BMPR1A: variants seen among roughly 807,000 people sequenced by gnomAD.
BMPR1A encodes bone morphogenetic protein receptor type 1A, also known as bone morphogenetic protein receptor type-1A.
BMPR1A carries 7 observed loss-of-function variants against 66.0 expected under a neutral mutation model. The observed-to-expected ratio is 0.11, with a 90% CI of 0.06 to 0.20. The LOEUF is 0.20. Ranked by LOEUF, BMPR1A falls within the 10% of genes least tolerant of loss-of-function variation. The pLI is 1.00. For missense variants in BMPR1A, 408 were observed against 669.1 expected, an observed-to-expected ratio of 0.61 and a Z score of 4.31; for synonymous variants, 200 against 229.7, an observed-to-expected ratio of 0.87 and a Z score of 1.17.
chr10:86,888,148 CTTT>C (rs34024160), intron 3 of BMPR1A, among the ~76,000 whole-genome samples: 9 of 138,300 alleles, frequency 6.5e-5, no homozygotes, highest in African/African-American at 1.6e-4. Context: ...AAACTTCCAG[CTTT>C]TTTTTTTTTT....
intron 1 of BMPR1A, among the ~76,000 whole-genome samples, chr10:86,835,602 A>G (rs911885323): frequency 1.5e-5 from 2 of 136,942 alleles, no homozygotes; most frequent in African/African-American, 2.7e-5. Flanking sequence ...GTTTTGGCCT[A>G]GATTGAGTAA....
At chr10:86,866,501 T>C (rs1380263904) in intron 2 of BMPR1A, among the ~76,000 whole-genome samples, 1 of 146,204 alleles carries the variant, frequency 6.8e-6, no homozygotes, top group African/African-American at 2.5e-5. Flanking sequence ...TTCTACCTCC[T>C]GGGTTCAAGT....
intron 5 of BMPR1A, among the ~76,000 whole-genome samples, chr10:86,894,102 A>G (rs1262271027): frequency 6.6e-6 from 1 of 152,240 alleles, no homozygotes; most frequent in Non-Finnish European, 1.5e-5. Flanking sequence ...TGCAGAATTG[A>G]GTGTGATATG....
rs1388668072 is a variant in BMPR1A, at chr10:86,756,620, A to AG, written c.-566dup. ...CGCGCCGCCCCCTCCCCTCCTGGCAAGAGTCGGCGGCGGTGGCGGCGGCCG... is the reference window on the plus strand; with the variant it reads ...CGCGCCGCCCCCTCCCCTCCTGGCAAGGAGTCGGCGGCGGTGGCGGCGGCCG... On this transcript the variant is annotated 5_prime_UTR_variant, in exon 1 of 13. Transcript: ENST00000372037. The AG allele has an allele frequency of 6.6e-6, 1 of 150,912 alleles. No homozygotes were observed. Among genetic ancestry groups the AG allele is most frequent in the African/African-American group, 2.4e-5 (1 of 41,148 alleles). 9.3% of individuals were successfully genotyped at this position (150,912 alleles called of 1,614,324 possible). A position where few individuals can be genotyped will look rare whatever the true frequency, so the allele number is the denominator to read the frequency against.
Position 86,790,184 on chromosome 10 carries a change from AAAAAATATATATATATAT to A in BMPR1A, c.-268+33267_-268+33284del, listed in dbSNP as rs1277653371. ...CTCCAAAAAAAAAAAAAAAAAAAAA[AAAAAATATATATATATAT>A]ATATATATATATATATATATATATA... is the stretch of plus-strand genomic sequence containing the variant. On this transcript the variant is annotated intron_variant, in intron 1 of 12. Transcript: ENST00000372037. Among the ~76,000 whole-genome samples the A allele has an allele frequency of 3.4e-4, 13 of 38,018 alleles. 3 individuals carry two copies. The South Asian group carries it at 3.5e-3, about 10-fold the overall frequency. The allele number at this position is 38,018 out of a possible 152,430, so 24.9% of individuals were successfully genotyped here. A position where few individuals can be genotyped will look rare whatever the true frequency, so the allele number is the denominator to read the frequency against.
chr10:86,913,055 G>C (rs1180874810), intron 8 of BMPR1A, among the ~76,000 whole-genome samples: 1 of 152,008 alleles, frequency 6.6e-6, no homozygotes, highest in Non-Finnish European at 1.5e-5. Context: ...TAGATATCCA[G>C]ATAGGTTTAA....
chr10:86,781,817 TCC>T (rs1204304298), intron 1 of BMPR1A, among the ~76,000 whole-genome samples: 1 of 150,336 alleles, frequency 6.7e-6, no homozygotes, highest in Non-Finnish European at 1.5e-5. Flanking sequence ...TAGCATAAAG[TCC>T]CCATGGTTCA....
intron 1 of BMPR1A, among the ~76,000 whole-genome samples, chr10:86,796,441 G>A (rs1255617680): frequency 6.6e-6 from 1 of 151,890 alleles, no homozygotes; most frequent in Non-Finnish European, 1.5e-5. Context: ...CCCTTCTGAA[G>A]AAAGTCACTA....
At position 86,790,225 on chromosome 10, in the gene BMPR1A, A is replaced by G. The variant is rs1564685655; in HGVS notation, c.-268+33306A>G. On this transcript the variant is annotated intron_variant, in intron 1 of 12. Transcript: ENST00000372037. ...TATATATATATATATATATATATAT[A>G]TATATATATATCAAAACCACAATGA... 9.9e-5 allele frequency among the ~76,000 whole-genome samples: 9 copies of G among 91,204 alleles called. 1 individual carries two copies. The highest frequency in any genetic ancestry group is 2.7e-4 in the Admixed American group (2 of 7,534). 59.8% of individuals were successfully genotyped at this position (91,204 alleles called of 152,430 possible). A position where few individuals can be genotyped will look rare whatever the true frequency, so the allele number is the denominator to read the frequency against.
intron 1 of BMPR1A, among the ~76,000 whole-genome samples, chr10:86,811,516 A>G (rs768684682): frequency 4.6e-5 from 7 of 151,946 alleles, no homozygotes; most frequent in East Asian, 1.9e-4. Flanking sequence ...AGAGTTTCCT[A>G]TGGTCTGGAT....
At chr10:86,846,268 ATGCTGTTGGGCC>A (rs1410707188) in intron 2 of BMPR1A, among the ~76,000 whole-genome samples, 1 of 152,148 alleles carries the variant, frequency 6.6e-6, no homozygotes, top group East Asian at 1.9e-4. Context: ...GAAGGAGCCC[ATGCTGTTGGGCC>A]TATGTAGAGC....
At chr10:86,874,709 CTTTTTTTTTTTTT>C (rs200991488) in intron 2 of BMPR1A, among the ~76,000 whole-genome samples, 15 of 92,428 alleles carry the variant, frequency 1.6e-4, no homozygotes, top group South Asian at 8.8e-4. Context: ...ACCCGACCTT[CTTTTTTTTTTTTT>C]TTTTTTTTTT....
intron 2 of BMPR1A, among the ~76,000 whole-genome samples, chr10:86,868,749 T>G (rs1842815896): frequency 6.6e-6 from 1 of 151,648 alleles, no homozygotes; most frequent in Non-Finnish European, 1.5e-5. Context: ...TGTAGTCTGT[T>G]TTTTCAACTG....
chr10:86,887,724 A>G (rs935662293), intron 3 of BMPR1A, among the ~76,000 whole-genome samples: 6 of 152,134 alleles, frequency 3.9e-5, no homozygotes, highest in African/African-American at 1.4e-4. Context: ...GTGATATATT[A>G]TATACTGTTT....
intron 1 of BMPR1A, among the ~76,000 whole-genome samples, 187 bp from the exon 2 acceptor site, chr10:86,838,678 T>A (rs1396246158): frequency 6.6e-6 from 1 of 151,976 alleles, no homozygotes; most frequent in Non-Finnish European, 1.5e-5. Flanking sequence ...TTTACAAATG[T>A]AAAGCTTGGG....
At chr10:86,790,609 A>G (rs977382576) in intron 1 of BMPR1A, among the ~76,000 whole-genome samples, 1 of 152,224 alleles carries the variant, frequency 6.6e-6, no homozygotes, top group African/African-American at 2.4e-5. Context: ...TTACTCACCC[A>G]TGAAAAGAAA....
At chr10:86,755,787 T>C (rs1172583505), upstream of BMPR1A, 2 of 152,118 alleles carry the variant, frequency 1.3e-5, no homozygotes, top group Non-Finnish European at 2.9e-5. Context: ...CCTTATCTTA[T>C]GCCGCTGGAA....
intron 1 of BMPR1A, among the ~76,000 whole-genome samples, chr10:86,837,416 T>C (rs1842369274): frequency 6.6e-6 from 1 of 152,194 alleles, no homozygotes; most frequent in Non-Finnish European, 1.5e-5. Flanking sequence ...TGTTTTTACT[T>C]TTATGGGGAT....
intron 1 of BMPR1A, among the ~76,000 whole-genome samples, chr10:86,803,187 GTAA>G (rs932579159): frequency 6.6e-6 from 1 of 152,068 alleles, no homozygotes. Flanking sequence ...CAACATAATT[GTAA>G]TAATGTCACA....
Sources: allele counts gnomAD v4.1 joint callset (sites outside exome capture counted in the v4.1 genomes callset), GRCh38; gene constraint gnomAD v4.1.1; transcripts MANE v1.5; gene names NCBI Gene and HGNC (gene_info 2026-07-23, HGNC 2026-07-21).